Variants in ZNF277 observed in about 807,000 individuals in gnomAD.
ZNF277 encodes the protein zinc finger protein 277.
In ZNF277, 55 loss-of-function variants were observed where a neutral mutation model predicts 60.7. That is an observed-to-expected ratio of 0.91 (90% CI 0.73 to 1.13). The LOEUF (loss-of-function observed/expected upper bound fraction) is 1.13, where lower values mean the gene tolerates loss of function less well. Among genes scored for constraint, ZNF277 ranks in the 50% most tolerant of loss-of-function variants. ZNF277 has a pLI of 0.00. For missense variants in ZNF277, 510 were observed against 523.0 expected (o/e 0.98, Z 0.24); for synonymous variants, 178 against 179.3 (o/e 0.99, Z 0.06).
chr7:112,212,215 G>A (rs1821768056), intron 1 of ZNF277, among the ~76,000 whole-genome samples: 1 of 152,160 alleles, frequency 6.6e-6, no homozygotes, highest in African/African-American at 2.4e-5. Context: ...CTTTAAGCCT[G>A]TAACTGAATG....
chr7:112,220,477 A>T (rs1821997085), intron 1 of ZNF277, among the ~76,000 whole-genome samples: 1 of 151,786 alleles, frequency 6.6e-6, no homozygotes. Context: ...GTTTGTAAAC[A>T]AAAAAAATTT....
chr7:112,330,012 CAATAAT>C lies in ZNF277; in HGVS notation c.669-66_669-61del, dbSNP rs796154315. ...ACCTAAAATGAATAAATATGAAACT[CAATAAT>C]AATAAAGGATTATTGCAGCAACTAT... is the stretch of plus-strand genomic sequence containing the variant. On this transcript the variant is annotated intron_variant, in intron 6 of 11. Transcript: ENST00000361822. 90 of 1,500,340 alleles carry C rather than the reference CAATAAT, an allele frequency of 6.0e-5. No individual in the cohort carries two copies. The African/African-American group carries it at 7.0e-4, about 12-fold the overall frequency. The allele number at this position is 1,500,340 out of a possible 1,614,324, so 92.9% of individuals were successfully genotyped here.
intron 2 of ZNF277, chr7:112,289,021 A>T (rs185746760): frequency 6.7e-6 from 1 of 150,222 alleles, no homozygotes; most frequent in African/African-American, 2.5e-5. Flanking sequence ...AGACATGTGT[A>T]CCTGATAAAT....
intron 1 of ZNF277, among the ~76,000 whole-genome samples, chr7:112,224,247 C>A (rs1030235848): frequency 6.6e-6 from 1 of 152,196 alleles, no homozygotes; most frequent in African/African-American, 2.4e-5. Flanking sequence ...GAAGAATTGT[C>A]TTGGACCACA....
At chr7:112,322,502 G>A (rs535372671) in intron 5 of ZNF277, among the ~76,000 whole-genome samples, 2 of 150,618 alleles carry the variant, frequency 1.3e-5, no homozygotes, top group African/African-American at 2.4e-5. Context: ...ATTTCTATTG[G>A]TTGTCTTTTT....
chr7:112,240,742 A>G (rs1302864405), intron 1 of ZNF277, among the ~76,000 whole-genome samples: 2 of 152,220 alleles, frequency 1.3e-5, no homozygotes, highest in Admixed American at 6.5e-5. Flanking sequence ...GATGCCAAAA[A>G]CATACATTGT....
At chr7:112,262,247 C>CA (rs376386868) in intron 1 of ZNF277, among the ~76,000 whole-genome samples, 18,812 of 77,586 alleles carry the variant, frequency 0.24, 1,462 homozygotes, top group Non-Finnish European at 0.27. Flanking sequence ...AAAAGCAATA[C>CA]AAAAAAAAAA....
At chr7:112,294,797 TTAATAA>T (rs1368634261) in intron 2 of ZNF277, among the ~76,000 whole-genome samples, 1 of 152,076 alleles carries the variant, frequency 6.6e-6, no homozygotes, top group Non-Finnish European at 1.5e-5. Flanking sequence ...AAGAAAAAAA[TTAATAA>T]TAAAAAGGAG....
At chr7:112,249,628 A>G (rs1324326587) in intron 1 of ZNF277, among the ~76,000 whole-genome samples, 2 of 152,200 alleles carry the variant, frequency 1.3e-5, no homozygotes, top group Non-Finnish European at 2.9e-5. Context: ...AGGGACCCCA[A>G]ATGGAGGGAC....
chr7:112,256,866 T>C (rs1490492648), intron 1 of ZNF277, among the ~76,000 whole-genome samples: 1 of 152,192 alleles, frequency 6.6e-6, no homozygotes, highest in Non-Finnish European at 1.5e-5. Flanking sequence ...ATCTGTTCTT[T>C]TCTTTCTTCT....
intron 4 of ZNF277, among the ~76,000 whole-genome samples, chr7:112,303,038 C>G (rs1232215381): frequency 6.6e-6 from 1 of 151,322 alleles, no homozygotes; most frequent in Admixed American, 6.6e-5. Flanking sequence ...AACCCCACCT[C>G]CCAGATTCAA....
rs780149300 is a variant in ZNF277, at chr7:112,206,703, T to A, written c.-14T>A. ...ACCCGCCCTGCGGCCCTCCCTTTTC[T>A]TTTCTGCCGGGTAATGGCTGCTTCC... On this transcript the variant is annotated 5_prime_UTR_variant, in exon 1 of 12. Coordinates refer to ENST00000361822, the MANE Select transcript of ZNF277 (RefSeq NM_021994.3). 22 of 1,612,638 alleles carry A rather than the reference T, an allele frequency of 1.4e-5. No homozygotes were observed. In the South Asian group the frequency reaches 2.4e-4, roughly 18 times the overall value.
chr7:112,329,943 G>A, intron 6 of ZNF277, 141 bp from the exon 7 acceptor site: 5 of 953,354 alleles, frequency 5.2e-6, no homozygotes, highest in Non-Finnish European at 7.5e-6. Flanking sequence ...AAGTGAGGGG[G>A]GATTCTGACA....
chr7:112,308,030 C>G (rs1167792372), intron 4 of ZNF277, among the ~76,000 whole-genome samples: 1 of 151,798 alleles, frequency 6.6e-6, no homozygotes, highest in Non-Finnish European at 1.5e-5. Context: ...GTTGACTTAC[C>G]TATCAATTAT....
rs532548847 is a variant in ZNF277 at position 112,295,184 on chromosome 7, G to A, written c.294-685G>A. 3.3e-5 allele frequency among the ~76,000 whole-genome samples: 5 copies of A among 152,254 alleles called. No homozygotes were observed. In the South Asian group the frequency reaches 1.0e-3, roughly 32 times the overall value. ...ATAAATCTTGTTAGATAAATGGAAA[G>A]ATAAACCACTTGTTAAATCCTGTCA... On this transcript the variant is annotated intron_variant, in intron 2 of 11. Coordinates refer to ENST00000361822, the MANE Select transcript of ZNF277 (RefSeq NM_021994.3).
intron 1 of ZNF277, among the ~76,000 whole-genome samples, chr7:112,233,775 TTTGAAAATTGAGAACCTAA>T (rs1193523717): frequency 6.6e-6 from 1 of 152,204 alleles, no homozygotes; most frequent in African/African-American, 2.4e-5. Flanking sequence ...AATATTCTCA[TTTGAAAATTGAGAACCTAA>T]TTGAAAATTG....
intron 4 of ZNF277, among the ~76,000 whole-genome samples, chr7:112,305,771 A>C (rs1263836147): frequency 6.6e-6 from 1 of 152,064 alleles, no homozygotes; most frequent in Non-Finnish European, 1.5e-5. Context: ...CCTCTTTTTA[A>C]TTACCGATGA....
chr7:112,341,356 A>G (rs1201852906), intron 11 of ZNF277, among the ~76,000 whole-genome samples: 1 of 152,222 alleles, frequency 6.6e-6, no homozygotes, highest in Non-Finnish European at 1.5e-5. Flanking sequence ...ATATCTTTCA[A>G]TAGCCAGTAT....
intron 1 of ZNF277, among the ~76,000 whole-genome samples, chr7:112,265,917 A>C (rs1408499930): frequency 2.6e-5 from 4 of 152,178 alleles, no homozygotes; most frequent in African/African-American, 9.7e-5. Context: ...TTACATTTTG[A>C]ATGAGAGGAG....
Sources: allele counts gnomAD v4.1 joint callset (sites outside exome capture counted in the v4.1 genomes callset), GRCh38; gene constraint gnomAD v4.1.1; transcripts MANE v1.5; gene names NCBI Gene and HGNC (gene_info 2026-07-23, HGNC 2026-07-21).